Variants in EIF4A2 observed in about 807,000 individuals in gnomAD.
EIF4A2 encodes eukaryotic initiation factor 4A-II.
A neutral mutation model predicts 50.6 loss-of-function variants in EIF4A2; 9 were observed. The observed-to-expected ratio is 0.18, with a 90% confidence interval of 0.11 to 0.31. The LOEUF (loss-of-function observed/expected upper bound fraction) is 0.31, where lower values mean the gene tolerates loss of function less well. Among genes scored for constraint, EIF4A2 ranks in the 10% least tolerant of loss-of-function variants. The pLI, the probability that EIF4A2 is intolerant of heterozygous loss-of-function variation, is 1.00. For missense variants in EIF4A2, 182 were observed against 501.8 expected (o/e 0.36, Z 6.09); for synonymous variants, 215 against 164.4 (o/e 1.31, Z -2.35).
intron 10 of EIF4A2, chr3:186,788,395 A>T (rs1274127268): frequency 1.1e-5 from 14 of 1,284,384 alleles, no homozygotes; most frequent in East Asian, 5.6e-5. Flanking sequence ...GCGAAACAGC[A>T]CACTGTTTGA....
chr3:186,786,374 C>T, intron 6 of EIF4A2, 101 bp downstream of exon 6: 3 of 1,517,344 alleles, frequency 2.0e-6, no homozygotes, highest in Non-Finnish European at 2.7e-6. Flanking sequence ...GTTCCCCCTG[C>T]TTAAAGCACT....
In EIF4A2 at chr3:186,787,483, A is replaced by G. The variant is rs1721809241; in HGVS notation, c.910-12A>G. On this transcript the variant is annotated splice_polypyrimidine_tract_variant and intron_variant, in intron 8 of 10. Coordinates refer to ENST00000323963, the MANE Select transcript of EIF4A2 (RefSeq NM_001967.4). ...ACTGGTGATTCTTGAATTAAGGTTTATTAATTTGCAGCATGGTGACATGGA... is the reference window on the plus strand; with the variant it reads ...ACTGGTGATTCTTGAATTAAGGTTTGTTAATTTGCAGCATGGTGACATGGA... 2.5e-6 allele frequency: 4 copies of G among 1,612,076 alleles called. No homozygotes were observed. Among genetic ancestry groups the G allele is most frequent in the Non-Finnish European group, 3.4e-6 (4 of 1,178,764 alleles).
chr3:186,788,643 T>A (rs1321583180), intron 10 of EIF4A2: 1 of 236,898 alleles, frequency 4.2e-6, no homozygotes, highest in Non-Finnish European at 8.2e-6. Context: ...TAAGTTTGGG[T>A]TACCATACCA....
chr3:186,783,601 T>C lies in EIF4A2; in HGVS notation c.-10T>C, dbSNP rs376862581. The C allele has an allele frequency of 1.2e-5, 20 of 1,613,952 alleles. No homozygotes were observed. The highest frequency in any genetic ancestry group is 4.5e-5 in the East Asian group (2 of 44,894). On this transcript the variant is annotated 5_prime_UTR_variant, in exon 1 of 11. Coordinates refer to ENST00000323963, the MANE Select transcript of EIF4A2 (RefSeq NM_001967.4). The stretch of plus-strand genomic sequence containing the variant: ...TCTTTTCAGTCGGGCGCTGAGTGGT[T>C]TTTCGGATCATGTCTGGTGGCTCCG...
intron 3 of EIF4A2, 51 bp from the exon 4 acceptor site, chr3:186,784,911 G>T: frequency 1.2e-6 from 2 of 1,613,858 alleles, no homozygotes; most frequent in Non-Finnish European, 1.7e-6. Context: ...GTGTGAAGTA[G>T]AAGTGACAAT....
rs139644081 is a variant in EIF4A2, at chr3:186,786,627, T to C, written c.753T>C (p.Tyr251=). The change falls in exon 7 of 11, where the codon TAT becomes TAC. Residue 251 remains tyrosine (Y), a synonymous_variant. Coordinates refer to ENST00000323963, the MANE Select transcript of EIF4A2 (RefSeq NM_001967.4). ...ELTLEGIKQF[Y]INVEREEWKL... The stretch of plus-strand genomic sequence containing the variant: ...CCCTTGAAGGAATCAAACAGTTTTA[T>C]ATTAATGTTGAGAGAGAGGTAACTG... 100 of 1,613,928 alleles carry C rather than the reference T, an allele frequency of 6.2e-5. No individual in the cohort carries two copies. Among genetic ancestry groups the C allele is most frequent in the Non-Finnish European group, 7.1e-5 (84 of 1,179,948 alleles).
At chr3:186,786,744 T>A in intron 7 of EIF4A2, 99 bp downstream of exon 7, 1 of 1,496,822 alleles carries the variant, frequency 6.7e-7, no homozygotes, top group Non-Finnish European at 9.3e-7. Flanking sequence ...GCAATAATGC[T>A]AGCAGAGTAC....
Position 186,789,782 on chromosome 3 carries a change from C to T in EIF4A2, c.*513C>T, listed in dbSNP as rs946887794. On this transcript the variant is annotated 3_prime_UTR_variant, in exon 11 of 11. Transcript: ENST00000323963. ...ATTAGTGCTAAGTGTGAACTGGACC[C>T]TGTTGCTAAGCCCCAGCAAGCAATC... 8.8e-6 allele frequency: 5 copies of T among 567,420 alleles called. No individual in the cohort carries two copies. The highest frequency in any genetic ancestry group is 1.6e-5 in the Non-Finnish European group (5 of 321,462). The allele number at this position is 567,420 out of a possible 1,614,324, so 35.1% of individuals were successfully genotyped here. A position where few individuals can be genotyped will look rare whatever the true frequency, so the allele number is the denominator to read the frequency against.
At chr3:186,785,318 G>A (rs1386345806) in intron 4 of EIF4A2, 5 of 633,062 alleles carry the variant, frequency 7.9e-6, no homozygotes, top group Non-Finnish European at 1.0e-5. Flanking sequence ...AATCCGAAGC[G>A]CTCTCTTGGA....
At chr3:186,786,981 TC>T in intron 7 of EIF4A2, 145 bp from the exon 8 acceptor site, 2 of 1,231,328 alleles carry the variant, frequency 1.6e-6, no homozygotes, top group Non-Finnish European at 2.3e-6. Context: ...GAAACCCTGG[TC>T]TGGTTGGAAC....
At chr3:186,784,261 A>G in intron 1 of EIF4A2, 171 bp from the exon 2 acceptor site, 1 of 933,978 alleles carries the variant, frequency 1.1e-6, no homozygotes, top group South Asian at 1.7e-5. Context: ...GGGCATCCGC[A>G]GGCCCCAACC....
In EIF4A2 at chr3:186,788,386, C is replaced by T. The variant is rs1016260494; in HGVS notation, c.1079+504C>T. On this transcript the variant is annotated intron_variant, in intron 10 of 10. Coordinates refer to ENST00000323963, the MANE Select transcript of EIF4A2 (RefSeq NM_001967.4). ...GTAATTTAGGACGTGGAATCATAAG[C>T]GAAACAGCACACTGTTTGAATAAAG... 39 of 1,286,398 alleles carry T rather than the reference C, an allele frequency of 3.0e-5. No individual in the cohort carries two copies. The South Asian group carries it at 3.1e-4, about 10-fold the overall frequency. The allele number at this position is 1,286,398 out of a possible 1,614,324, so 79.7% of individuals were successfully genotyped here. A position where few individuals can be genotyped will look rare whatever the true frequency, so the allele number is the denominator to read the frequency against.
chr3:186,783,695 AGATGATAGTGGATGGCAC>A, intron 1 of EIF4A2, 56 bp downstream of exon 1: 1 of 1,613,492 alleles, frequency 6.2e-7, no homozygotes, highest in Non-Finnish European at 8.5e-7. Context: ...GCGCCAGGGG[AGATGATAGTGGATGGCAC>A]GGAGGCAAAA....
rs1722012925 is a variant in EIF4A2 at position 186,789,865 on chromosome 3, T to C, written c.*596T>C. The C allele has an allele frequency of 2.6e-6, 2 of 768,598 alleles. No homozygotes were observed. Among genetic ancestry groups the C allele is most frequent in the Admixed American group, 2.5e-5 (1 of 39,382 alleles). 47.6% of individuals were successfully genotyped at this position (768,598 alleles called of 1,614,324 possible). On this transcript the variant is annotated 3_prime_UTR_variant, in exon 11 of 11. Transcript: ENST00000323963. ...ATATTGCACATGTCTTAATGAAGTT[T>C]GAATGTTAAATAAATTGTATATTCA...
chr3:186,787,228 G>C lies in EIF4A2; in HGVS notation c.873G>C (p.Glu291Asp), dbSNP rs1221692747. ...GGCGCAAGGTGGACTGGCTGACTGA[G>C]AAGATGCATGCCAGAGACTTCACAG... ...NTRRKVDWLT[E>D]KMHARDFTVS... is the part of the protein sequence containing the mutation. The change falls in exon 8 of 11, where the codon GAG (glutamate) becomes GAC (aspartate). Residue 291 changes from glutamate to aspartate, a missense_variant. Glu to Asp is a conservative substitution (Grantham distance 45). This residue lies in a region of EIF4A2 where 113 missense variants were observed against 357.3 expected (regional missense o/e 0.32). Coordinates refer to ENST00000323963, the MANE Select transcript of EIF4A2 (RefSeq NM_001967.4). 6.2e-7 allele frequency: 1 copy of C among 1,614,048 alleles called. No individual in the cohort carries two copies. The highest frequency in any genetic ancestry group is 8.5e-7 in the Non-Finnish European group (1 of 1,180,018).
intron 3 of EIF4A2, 68 bp from the exon 4 acceptor site, chr3:186,784,894 A>G (rs1721603444): frequency 1.2e-6 from 2 of 1,612,596 alleles, no homozygotes; most frequent in Non-Finnish European, 8.5e-7. Context: ...TCCAAATGGA[A>G]TACATGGTGT....
chr3:186,783,963 G>A (rs779705820), intron 1 of EIF4A2: 4 of 455,568 alleles, frequency 8.8e-6, no homozygotes, highest in African/African-American at 2.0e-5. Flanking sequence ...ACTGTAACCA[G>A]GACCCGAAGC....
intron 2 of EIF4A2, 38 bp downstream of exon 2, chr3:186,784,515 T>C: frequency 6.2e-7 from 1 of 1,614,024 alleles, no homozygotes; most frequent in Non-Finnish European, 8.5e-7. Context: ...TTTGGAAAGG[T>C]GAGTGTGTTC....
rs374136288 is a variant in EIF4A2 at position 186,784,471 on chromosome 3, C to T, written c.69C>T (p.Val23=). 5 of 1,614,200 alleles carry T rather than the reference C, an allele frequency of 3.1e-6. No homozygotes were observed. Among genetic ancestry groups the T allele is most frequent in the Non-Finnish European group, 4.2e-6 (5 of 1,180,046 alleles). ...GGPEGMDPDG[V]IESNWNEIVD... Reference sequence around the variant, plus strand: ...CAGAGGGAATGGACCCCGATGGTGTCATCGAGGTAAGAAACGGTTGTGGAT... The same window carrying T: ...CAGAGGGAATGGACCCCGATGGTGTTATCGAGGTAAGAAACGGTTGTGGAT... The change falls in exon 2 of 11, where the codon GTC becomes GTT. Residue 23 remains valine (V), a synonymous_variant. Transcript: ENST00000323963.
Sources: gnomAD v4.1 joint callset for allele counts on GRCh38, gnomAD v4.1.1 for gene constraint, gnomAD v4.1.1 regional missense constraint, MANE v1.5 for transcripts, NCBI Gene and HGNC (gene_info 2026-07-23, HGNC 2026-07-21) for gene names.